PXDNL: variants seen among roughly 807,000 people sequenced by gnomAD.
The protein encoded by PXDNL is probable oxidoreductase PXDNL.
Under a neutral mutation model 150.8 loss-of-function variants are expected in PXDNL, and 145 were observed. The ratio of observed to expected loss-of-function variants is 0.96; its 90% CI spans 0.84 to 1.10. The LOEUF (loss-of-function observed/expected upper bound fraction) is 1.10. PXDNL is among the 50% of genes least tolerant of loss of function. PXDNL has a pLI of 0.00. For missense variants in PXDNL, 2,087 were observed against 1,873.9 expected (o/e 1.11, Z -2.10); for synonymous variants, 757 against 725.7 (o/e 1.04, Z -0.69).
At chr8:51,348,915 A>G (rs1806249612) in intron 19 of PXDNL, among the ~76,000 whole-genome samples, 1 of 152,208 alleles carries the variant, frequency 6.6e-6, no homozygotes, top group African/African-American at 2.4e-5. Flanking sequence ...GAAGAAAGTT[A>G]ACTCCTAGAT....
chr8:51,414,445 T>C (rs1202165220), intron 14 of PXDNL, among the ~76,000 whole-genome samples: 1 of 151,356 alleles, frequency 6.6e-6, no homozygotes, highest in Non-Finnish European at 1.5e-5. Flanking sequence ...AAGAATAAAA[T>C]TCAGGACCAT....
chr8:51,638,521 A>G (rs199584691), intron 2 of PXDNL, among the ~76,000 whole-genome samples: 2 of 151,934 alleles, frequency 1.3e-5, no homozygotes, highest in Non-Finnish European at 2.9e-5. Flanking sequence ...CCAAGCAAAT[A>G]GAAAACGAAA....
intron 6 of PXDNL, among the ~76,000 whole-genome samples, chr8:51,475,654 G>A (rs1243400266): frequency 6.6e-6 from 1 of 152,022 alleles, no homozygotes; most frequent in Non-Finnish European, 1.5e-5. Flanking sequence ...TCTAGATTCA[G>A]GGGGTACATA....
At chr8:51,595,954 G>A (rs764291605) in intron 2 of PXDNL, among the ~76,000 whole-genome samples, 3 of 152,100 alleles carry the variant, frequency 2.0e-5, no homozygotes, top group South Asian at 2.1e-4. Flanking sequence ...ATGTTACCTC[G>A]GTATATTGCA....
chr8:51,558,166 C>T (rs897236846), intron 3 of PXDNL, among the ~76,000 whole-genome samples: 8 of 151,872 alleles, frequency 5.3e-5, no homozygotes, highest in African/African-American at 1.5e-4. Context: ...AGTGTAGGTA[C>T]GTGAGTCAGT....
chr8:51,595,689 T>C (rs899909426), intron 2 of PXDNL, among the ~76,000 whole-genome samples: 1 of 152,160 alleles, frequency 6.6e-6, no homozygotes, highest in Non-Finnish European at 1.5e-5. Context: ...ACCATTATTC[T>C]GGAGTGATTT....
At chr8:51,788,715 C>T (rs1490316919) in intron 1 of PXDNL, among the ~76,000 whole-genome samples, 1 of 152,194 alleles carries the variant, frequency 6.6e-6, no homozygotes, top group African/African-American at 2.4e-5. Flanking sequence ...AAGTTGAGTG[C>T]TCACAGTCCC....
At chr8:51,384,524 G>A (rs1205528770) in intron 17 of PXDNL, among the ~76,000 whole-genome samples, 2 of 150,088 alleles carry the variant, frequency 1.3e-5, no homozygotes, top group Admixed American at 6.7e-5. Context: ...AAAATCTTAA[G>A]GACATCACAT....
intron 12 of PXDNL, among the ~76,000 whole-genome samples, chr8:51,428,791 G>T (rs1480340381): frequency 1.3e-5 from 2 of 151,962 alleles, no homozygotes; most frequent in East Asian, 1.9e-4. Flanking sequence ...TAAGCCAAAA[G>T]TTCTTTGACT....
At chr8:51,369,667 C>G (rs1388958874) in intron 19 of PXDNL, among the ~76,000 whole-genome samples, 1 of 149,730 alleles carries the variant, frequency 6.7e-6, no homozygotes, top group Non-Finnish European at 1.5e-5. Context: ...AAAAAAAACA[C>G]TGTATGTTTG....
At chr8:51,485,479 C>A (rs1810708502) in intron 5 of PXDNL, among the ~76,000 whole-genome samples, 1 of 152,148 alleles carries the variant, frequency 6.6e-6, no homozygotes, top group Non-Finnish European at 1.5e-5. Context: ...TTAGCAAGAA[C>A]CCTGCTGCTA....
intron 2 of PXDNL, among the ~76,000 whole-genome samples, chr8:51,625,394 G>C (rs995371735): frequency 6.6e-6 from 1 of 152,178 alleles, no homozygotes; most frequent in African/African-American, 2.4e-5. Flanking sequence ...GCAAATATTA[G>C]TAAATAGAAT....
chr8:51,804,093 A>G (rs1239131347), intron 1 of PXDNL, among the ~76,000 whole-genome samples: 3 of 152,196 alleles, frequency 2.0e-5, no homozygotes, highest in Non-Finnish European at 4.4e-5. Flanking sequence ...GGTTTTATAC[A>G]TTTTAGGGAG....
At chr8:51,369,103 C>T (rs529995813) in intron 19 of PXDNL, among the ~76,000 whole-genome samples, 2 of 152,272 alleles carry the variant, frequency 1.3e-5, no homozygotes, top group African/African-American at 4.8e-5. Flanking sequence ...ATTAATACAA[C>T]ATGAATGAAC....
rs535513113 is a variant in PXDNL at position 51,373,964 on chromosome 8, C to T, written c.3692+633G>A. On this transcript the variant is annotated intron_variant, in intron 18 of 22. Coordinates refer to ENST00000356297, the MANE Select transcript of PXDNL (RefSeq NM_144651.5). ...GTAAACAGATTACGTGACTAACTTA[C>T]ATTCTCCAGCCTGCTGTTTCCCATT... 5.3e-5 allele frequency among the ~76,000 whole-genome samples: 8 copies of T among 152,326 alleles called. No individual in the cohort carries two copies. The South Asian group carries it at 1.4e-3, about 28-fold the overall frequency.
chr8:51,616,304 G>T (rs1416118521), intron 2 of PXDNL, among the ~76,000 whole-genome samples: 2 of 152,146 alleles, frequency 1.3e-5, no homozygotes, highest in East Asian at 3.8e-4. Flanking sequence ...TAGAAGGGAG[G>T]ACACAGCCAT....
chr8:51,621,269 T>C (rs1425735966), intron 2 of PXDNL, among the ~76,000 whole-genome samples: 1 of 152,158 alleles, frequency 6.6e-6, no homozygotes, highest in East Asian at 1.9e-4. Flanking sequence ...TGCTAAATAG[T>C]AATACACAAA....
intron 19 of PXDNL, among the ~76,000 whole-genome samples, chr8:51,371,238 T>C (rs1284124908): frequency 6.6e-6 from 1 of 152,230 alleles, no homozygotes; most frequent in African/African-American, 2.4e-5. Context: ...ATCTTTGGAC[T>C]TTGAGAAAGT....
In PXDNL at chr8:51,463,968, TA is replaced by T. The variant is rs201018047; in HGVS notation, c.813-6302del. Among the ~76,000 whole-genome samples the T allele has an allele frequency of 2.3e-3, 340 of 149,450 alleles. 3 individuals are homozygous for T. Among genetic ancestry groups the T allele is most frequent in the East Asian group, 0.021 (106 of 5,066 alleles). On this transcript the variant is annotated intron_variant, in intron 8 of 22. Coordinates refer to ENST00000356297, the MANE Select transcript of PXDNL (RefSeq NM_144651.5). ...ATGTTAAGAGGAGAGTTTATAAAGC[TA>T]AAAGCCTACATGAAGTTAAGAAAGA... is the stretch of plus-strand genomic sequence containing the variant.
Sources: gnomAD v4.1 joint callset for allele counts (sites outside exome capture counted in the v4.1 genomes callset) on GRCh38, gnomAD v4.1.1 for gene constraint, MANE v1.5 for transcripts, NCBI Gene and HGNC (gene_info 2026-07-23, HGNC 2026-07-21) for gene names.